ERLEC1: variants seen among roughly 807,000 people sequenced by gnomAD.
ERLEC1 encodes endoplasmic reticulum lectin 1.
A neutral mutation model predicts 68.0 loss-of-function variants in ERLEC1; 47 were observed. That is an observed-to-expected ratio of 0.69 (90% CI 0.55 to 0.88). The LOEUF (loss-of-function observed/expected upper bound fraction) is 0.88. Among genes scored for constraint, ERLEC1 ranks in the 40% least tolerant of loss-of-function variants. The pLI, the probability that ERLEC1 is intolerant of heterozygous loss-of-function variation, is 0.00. For missense variants in ERLEC1, 567 were observed against 583.8 expected (o/e 0.97, Z 0.30); for synonymous variants, 225 against 203.2 (o/e 1.11, Z -0.91).
intron 8 of ERLEC1, among the ~76,000 whole-genome samples, chr2:53,803,514 A>C (rs1676112336): frequency 6.6e-6 from 1 of 152,046 alleles, no homozygotes; most frequent in South Asian, 2.1e-4. Flanking sequence ...CTATAATCCC[A>C]ACACTTTGGG....
At chr2:53,788,919 C>G (rs2104265159) in intron 1 of ERLEC1, among the ~76,000 whole-genome samples, 1 of 152,026 alleles carries the variant, frequency 6.6e-6, no homozygotes, top group South Asian at 2.1e-4. Context: ...ATTTTTTACT[C>G]TTGGCACCTG....
intron 1 of ERLEC1, chr2:53,787,618 A>G (rs1188684427): frequency 5.0e-6 from 2 of 399,024 alleles, no homozygotes; most frequent in Non-Finnish European, 4.4e-6. Context: ...ATTCTGTCGC[A>G]CTAGACCTTG....
At chr2:53,789,077 C>T (rs115191542) in intron 1 of ERLEC1, among the ~76,000 whole-genome samples, 2 of 151,856 alleles carry the variant, frequency 1.3e-5, no homozygotes, top group Non-Finnish European at 2.9e-5. Context: ...CAACTTTTCA[C>T]GTATCTAACA....
In ERLEC1 at chr2:53,814,946, A is replaced by G. The variant is rs1226937379; in HGVS notation, c.1380+11A>G. The G allele has an allele frequency of 6.6e-7, 1 of 1,507,182 alleles. No homozygotes were observed. The highest frequency in any genetic ancestry group is 9.1e-7 in the Non-Finnish European group (1 of 1,100,638). The allele number at this position is 1,507,182 out of a possible 1,614,324, so 93.4% of individuals were successfully genotyped here. A position where few individuals can be genotyped will look rare whatever the true frequency, so the allele number is the denominator to read the frequency against. ...CAATATATTCTTGGGGTAAGTTAAA[A>G]AGAAAATAATCAAAAATTCCATTTT... On this transcript the variant is annotated intron_variant, in intron 13 of 13. Transcript: ENST00000185150.
intron 8 of ERLEC1, among the ~76,000 whole-genome samples, chr2:53,805,554 G>T (rs191402336): frequency 1.6e-4 from 24 of 152,240 alleles, no homozygotes; most frequent in African/African-American, 5.8e-4. Flanking sequence ...TCTGTTGATG[G>T]ACACTTAGGT....
At chr2:53,802,418 T>G (rs1261285408) in intron 8 of ERLEC1, among the ~76,000 whole-genome samples, 1 of 152,204 alleles carries the variant, frequency 6.6e-6, no homozygotes, top group Non-Finnish European at 1.5e-5. Flanking sequence ...TCTCTAACTC[T>G]AATCATCCAC....
At chr2:53,814,362 T>A (rs1676748995) in intron 11 of ERLEC1, among the ~76,000 whole-genome samples, 181 bp from the exon 12 acceptor site, 1 of 152,196 alleles carries the variant, frequency 6.6e-6, no homozygotes. Context: ...CTTTATAGAA[T>A]CCAAGAGAAT....
At chr2:53,814,161 A>C (rs1160705328) in intron 11 of ERLEC1, among the ~76,000 whole-genome samples, 3 of 152,210 alleles carry the variant, frequency 2.0e-5, no homozygotes, top group Non-Finnish European at 4.4e-5. Context: ...ACAGTATTTT[A>C]ATGGGAGTAG....
At chr2:53,798,239 C>T (rs182541624) in intron 5 of ERLEC1, among the ~76,000 whole-genome samples, 2 of 151,760 alleles carry the variant, frequency 1.3e-5, no homozygotes, top group Admixed American at 1.3e-4. Flanking sequence ...CTGTCCCTTA[C>T]AAAACTTTCA....
chr2:53,816,998 G>T lies in ERLEC1; in HGVS notation c.1381-900G>T, dbSNP rs553539040. Among the ~76,000 whole-genome samples the T allele has an allele frequency of 3.3e-5, 5 of 152,066 alleles. No individual in the cohort carries two copies. The South Asian group carries it at 6.2e-4, about 19-fold the overall frequency. On this transcript the variant is annotated intron_variant, in intron 13 of 13. Transcript: ENST00000185150. ...CTTTTTTTCCTTTGTTTCGATTTGG[G>T]TCATTTCTGTTAAGCTGTCTTCAAA...
intron 13 of ERLEC1, 65 bp downstream of exon 13, chr2:53,815,000 T>G (rs878909225): frequency 3.3e-6 from 3 of 903,530 alleles, no homozygotes; most frequent in African/African-American, 3.5e-5. Flanking sequence ...TTTTTCTTTT[T>G]TTTTTTTTTT....
intron 10 of ERLEC1, among the ~76,000 whole-genome samples, chr2:53,809,988 T>C (rs1676503189): frequency 6.6e-6 from 1 of 151,964 alleles, no homozygotes; most frequent in Admixed American, 6.6e-5. Context: ...GAGGCAGAGG[T>C]TGCAGTGAGC....
chr2:53,811,575 G>A (rs948100764), intron 10 of ERLEC1, among the ~76,000 whole-genome samples: 1 of 152,184 alleles, frequency 6.6e-6, no homozygotes, highest in South Asian at 2.1e-4. Context: ...GGTGCTTACT[G>A]TATGCTAGGC....
intron 1 of ERLEC1, among the ~76,000 whole-genome samples, chr2:53,792,936 G>A (rs558793911): frequency 6.6e-6 from 1 of 152,154 alleles, no homozygotes; most frequent in South Asian, 2.1e-4. Context: ...CCTGAGTCCA[G>A]GAGGTCAGGC....
chr2:53,787,392 C>G lies in ERLEC1; in HGVS notation c.162+20C>G, dbSNP rs2104257093. 1 of 1,595,316 alleles carries G rather than the reference C, an allele frequency of 6.3e-7. No individual in the cohort carries two copies. Among genetic ancestry groups the G allele is most frequent in the South Asian group, 1.1e-5 (1 of 89,676 alleles). On this transcript the variant is annotated intron_variant, in intron 1 of 13. Transcript: ENST00000185150. ...TCTCTGGTCAGTGCCCTCACTAACC[C>G]CGCAGCCACCCCTCCTCCTGACACT...
intron 6 of ERLEC1, among the ~76,000 whole-genome samples, chr2:53,800,142 T>A (rs1159127829): frequency 6.6e-6 from 1 of 152,192 alleles, no homozygotes; most frequent in Non-Finnish European, 1.5e-5. Flanking sequence ...TTTATCATTG[T>A]GCAAACATAA....
chr2:53,815,355 T>C (rs1676821973), intron 13 of ERLEC1, among the ~76,000 whole-genome samples: 1 of 152,170 alleles, frequency 6.6e-6, no homozygotes, highest in African/African-American at 2.4e-5. Context: ...TTCAGTAGTC[T>C]CCAAGGCTTA....
At chr2:53,790,454 C>G (rs879615850) in intron 1 of ERLEC1, among the ~76,000 whole-genome samples, 9 of 152,044 alleles carry the variant, frequency 5.9e-5, no homozygotes, top group Non-Finnish European at 1.0e-4. Context: ...GGATAAGGTC[C>G]TTTGTCTGTT....
At chr2:53,799,753 A>G (rs1376212677) in intron 6 of ERLEC1, among the ~76,000 whole-genome samples, 1 of 152,140 alleles carries the variant, frequency 6.6e-6, no homozygotes, top group Non-Finnish European at 1.5e-5. Flanking sequence ...TAAAATGGCA[A>G]AGTCTTTGAA....
Sources: allele counts gnomAD v4.1 joint callset (sites outside exome capture counted in the v4.1 genomes callset), GRCh38; gene constraint gnomAD v4.1.1; transcripts MANE v1.5; gene names NCBI Gene and HGNC (gene_info 2026-07-23, HGNC 2026-07-21).